The following SAMTOR variants were observed in gnomAD, a reference collection of about 807,000 sequenced individuals.
SAMTOR encodes UPF0532 protein C7orf60.
At chr7:112,887,096 T>C in the SAMTOR span, among the ~76,000 whole-genome samples, 1 of 151,898 alleles carries the variant, frequency 6.6e-6, no homozygotes, top group South Asian at 2.1e-4. Context: ...AACCAGGACC[T>C]GGGAGGCAGA....
chr7:112,902,109 G>A, the SAMTOR span, among the ~76,000 whole-genome samples: 44 of 151,964 alleles, frequency 2.9e-4, 1 homozygote, highest in Non-Finnish European at 1.0e-4. Flanking sequence ...AGTAAAAAAG[G>A]TGGTGGTTGC....
At chr7:112,832,906 TAA>T in the SAMTOR span, among the ~76,000 whole-genome samples, 1 of 152,130 alleles carries the variant, frequency 6.6e-6, no homozygotes, top group Non-Finnish European at 1.5e-5. Flanking sequence ...AAAAGGATAG[TAA>T]AAAAGTACAG....
At chr7:112,915,855 G>A in the SAMTOR span, among the ~76,000 whole-genome samples, 10 of 152,076 alleles carry the variant, frequency 6.6e-5, no homozygotes, top group African/African-American at 2.4e-4. Flanking sequence ...TGTTACTGTT[G>A]GGCAATATAA....
At chr7:112,880,390 A>C in the SAMTOR span, among the ~76,000 whole-genome samples, 1 of 152,160 alleles carries the variant, frequency 6.6e-6, no homozygotes, top group African/African-American at 2.4e-5. Context: ...AGAATGTTAG[A>C]TATTTCCCCA....
chr7:112,890,457 C>T, the SAMTOR span, among the ~76,000 whole-genome samples: 3 of 151,684 alleles, frequency 2.0e-5, no homozygotes, highest in African/African-American at 4.9e-5. Flanking sequence ...CTACTACTAA[C>T]GCTTGTAGGG....
the SAMTOR span, among the ~76,000 whole-genome samples, chr7:112,912,530 G>T: frequency 6.6e-6 from 1 of 151,834 alleles, no homozygotes; most frequent in Admixed American, 6.6e-5. Context: ...CATGCTTTTA[G>T]AATTATCAAA....
At chr7:112,861,600 C>T in the SAMTOR span, among the ~76,000 whole-genome samples, 2 of 152,154 alleles carry the variant, frequency 1.3e-5, no homozygotes, top group African/African-American at 4.8e-5. Context: ...CAGTTGGTCC[C>T]TTGACTCACT....
At chr7:112,888,963 A>G in the SAMTOR span, among the ~76,000 whole-genome samples, 1 of 152,196 alleles carries the variant, frequency 6.6e-6, no homozygotes, top group East Asian at 1.9e-4. Flanking sequence ...TTTAGACACA[A>G]ACAGTGGTAG....
At chr7:112,857,051 G>A in the SAMTOR span, among the ~76,000 whole-genome samples, 2 of 147,918 alleles carry the variant, frequency 1.4e-5, no homozygotes, top group South Asian at 4.3e-4. Context: ...AAAAAATAAT[G>A]AAGTCAGCAG....
chr7:112,832,789 A>C, the SAMTOR span: 3 of 623,572 alleles, frequency 4.8e-6, no homozygotes, highest in African/African-American at 1.9e-5. Context: ...TATAAAAATT[A>C]CTGACGGCCC....
chr7:112,918,902 C>T, the SAMTOR span, among the ~76,000 whole-genome samples: 4 of 152,154 alleles, frequency 2.6e-5, no homozygotes, highest in African/African-American at 9.7e-5. Flanking sequence ...AGCTAACTGT[C>T]CTAAATGTAT....
At chr7:112,887,874 T>C in the SAMTOR span, among the ~76,000 whole-genome samples, 7 of 152,146 alleles carry the variant, frequency 4.6e-5, no homozygotes, top group Non-Finnish European at 1.0e-4. Context: ...ATTAATTTTG[T>C]TGATCTTTTC....
the SAMTOR span, among the ~76,000 whole-genome samples, chr7:112,825,869 T>TA: frequency 5.3e-5 from 8 of 151,708 alleles, no homozygotes; most frequent in African/African-American, 1.7e-4. Context: ...TTTTTTTTTT[T>TA]AAATCAGGAA....
the SAMTOR span, among the ~76,000 whole-genome samples, chr7:112,884,495 G>A: frequency 6.6e-6 from 1 of 152,274 alleles, no homozygotes; most frequent in East Asian, 1.9e-4. Context: ...CATTCCAAAT[G>A]GGAGAAATTG....
chr7:112,892,466 T>C, the SAMTOR span, among the ~76,000 whole-genome samples: 3 of 152,172 alleles, frequency 2.0e-5, no homozygotes, highest in African/African-American at 4.8e-5. Flanking sequence ...ACAAAATGTA[T>C]TTCTTAAATA....
the SAMTOR span, among the ~76,000 whole-genome samples, chr7:112,892,782 A>AT: frequency 5.3e-5 from 8 of 151,688 alleles, no homozygotes; most frequent in East Asian, 1.9e-4. Context: ...AAAAAAAAAA[A>AT]AATAATAATA....
At chr7:112,895,473 G>T in the SAMTOR span, 1 of 812,210 alleles carries the variant, frequency 1.2e-6, no homozygotes, top group Non-Finnish European at 1.8e-6. Flanking sequence ...ACTACTGGAG[G>T]AGCAAGTAAA....
At chr7:112,916,618 T>C in the SAMTOR span, among the ~76,000 whole-genome samples, 2 of 151,974 alleles carry the variant, frequency 1.3e-5, no homozygotes, top group East Asian at 3.9e-4. Flanking sequence ...GTGCACCGTG[T>C]GGGAGCCGAA....
the SAMTOR span, among the ~76,000 whole-genome samples, chr7:112,885,342 A>AT: frequency 6.6e-6 from 1 of 152,004 alleles, no homozygotes. Context: ...GCCAGCTTGA[A>AT]TTTCTCCCCA....
Sources: gnomAD v4.1 joint callset for allele counts (sites outside exome capture counted in the v4.1 genomes callset) on GRCh38, gnomAD v4.1.1 for gene constraint, MANE v1.5 for transcripts, NCBI Gene and HGNC (gene_info 2026-07-23, HGNC 2026-07-21) for gene names.